Variants in ZSWIM5 observed in about 807,000 individuals in gnomAD.
ZSWIM5 encodes the protein zinc finger SWIM-type containing 5, also known as zinc finger SWIM domain-containing protein 5.
ZSWIM5 carries 55 observed loss-of-function variants against 119.6 expected under a neutral mutation model. That is an observed-to-expected ratio of 0.46 (90% CI 0.37 to 0.58). The LOEUF is 0.58. Ranked by LOEUF, ZSWIM5 falls within the 20% of genes least tolerant of loss-of-function variation. The probability of loss-of-function intolerance (pLI) is 0.00; values close to 1 mark genes in which losing one functional copy is unlikely to be tolerated. For synonymous variants in ZSWIM5, 537 were observed against 606.9 expected (o/e 0.88, Z 1.69); for missense variants, 1,193 against 1,512.8 (o/e 0.79, Z 3.51).
chr1:45,159,516 A>C (rs896563833), intron 1 of ZSWIM5, among the ~76,000 whole-genome samples: 1 of 152,158 alleles, frequency 6.6e-6, no homozygotes, highest in African/African-American at 2.4e-5. Context: ...TGTTAATCAA[A>C]GTTTTTTAGA....
At chr1:45,113,359 C>A (rs1645529273) in intron 1 of ZSWIM5, among the ~76,000 whole-genome samples, 1 of 151,990 alleles carries the variant, frequency 6.6e-6, no homozygotes, top group Admixed American at 6.6e-5. Flanking sequence ...CAAGGAAGAG[C>A]CATTTAAATT....
At chr1:45,034,008 C>G (rs1207398944) in intron 11 of ZSWIM5, among the ~76,000 whole-genome samples, 2 of 152,164 alleles carry the variant, frequency 1.3e-5, no homozygotes, top group African/African-American at 4.8e-5. Context: ...GCGCCCGCCA[C>G]CACGCCCGGC....
chr1:45,071,545 T>C (rs1470110331), intron 2 of ZSWIM5, among the ~76,000 whole-genome samples: 1 of 147,250 alleles, frequency 6.8e-6, no homozygotes, highest in African/African-American at 2.5e-5. Flanking sequence ...AGCCTTAACC[T>C]CCTAAGCTCA....
intron 1 of ZSWIM5, among the ~76,000 whole-genome samples, chr1:45,090,471 T>C (rs1372849446): frequency 1.3e-5 from 2 of 152,022 alleles, no homozygotes; most frequent in Non-Finnish European, 2.9e-5. Context: ...CTAAGAAAGC[T>C]GGGCAACATG....
intron 1 of ZSWIM5, among the ~76,000 whole-genome samples, chr1:45,170,467 C>T (rs963579997): frequency 1.5e-4 from 23 of 151,532 alleles, no homozygotes; most frequent in Non-Finnish European, 2.9e-4. Flanking sequence ...CTCTGTCACC[C>T]CAGGTGGAGT....
intron 1 of ZSWIM5, among the ~76,000 whole-genome samples, chr1:45,156,086 A>G (rs1403424532): frequency 3.3e-5 from 5 of 152,150 alleles, no homozygotes; most frequent in Admixed American, 3.3e-4. Flanking sequence ...AAAAAAAGAA[A>G]ACATGGTATA....
intron 11 of ZSWIM5, among the ~76,000 whole-genome samples, chr1:45,030,802 T>TC (rs1255262094): frequency 6.8e-6 from 1 of 147,222 alleles, no homozygotes. Flanking sequence ...TTCTTTCTTT[T>TC]TTTTTTTTTT....
chr1:45,205,100 C>T (rs1330805363), intron 1 of ZSWIM5, among the ~76,000 whole-genome samples: 1 of 151,724 alleles, frequency 6.6e-6, no homozygotes, highest in Non-Finnish European at 1.5e-5. Context: ...AAGAGAGACC[C>T]CACCCCCACT....
rs1182413072 is a variant in ZSWIM5 at position 45,019,277 on chromosome 1, G to A, written c.2735C>T (p.Thr912Ile). 2 of 1,613,464 alleles carry A rather than the reference G, an allele frequency of 1.2e-6. No individual in the cohort carries two copies. Among genetic ancestry groups the A allele is most frequent in the Admixed American group, 3.3e-5 (2 of 59,998 alleles). Residue 912 changes from threonine (T) to isoleucine (I), a missense_variant, in exon 14 of 14, where the codon ACA becomes ATA. By Grantham distance (89) the Thr-to-Ile change is moderately conservative. Transcript: ENST00000359600. The surrounding 1 kb of genome is among the most constrained non-coding windows in gnomAD (Gnocchi z 5.0). ...ALVSILQSWY[T>I]LFTPTEATSI... ...AGTAGCCTCAGTAGGGGTGAAGAGT[G>A]TGTACCAGCTCTGCAAGATGCTCAC...
chr1:45,189,915 C>T (rs143414817), intron 1 of ZSWIM5, among the ~76,000 whole-genome samples: 58 of 152,304 alleles, frequency 3.8e-4, no homozygotes, highest in Non-Finnish European at 6.6e-4. Flanking sequence ...ATCTAATTTA[C>T]CACTGGGGCA....
intron 1 of ZSWIM5, among the ~76,000 whole-genome samples, chr1:45,114,326 G>A (rs547672599): frequency 6.6e-6 from 1 of 152,244 alleles, no homozygotes; most frequent in Non-Finnish European, 1.5e-5. Flanking sequence ...AAAGAAGCTA[G>A]TATGGTTATA....
chr1:45,065,178 T>G (rs766623066), intron 2 of ZSWIM5, among the ~76,000 whole-genome samples: 1 of 152,206 alleles, frequency 6.6e-6, no homozygotes, highest in Non-Finnish European at 1.5e-5. Flanking sequence ...TCCATAGAGA[T>G]AAAACTGAGA....
At chr1:45,197,343 G>A (rs1646132540) in intron 1 of ZSWIM5, among the ~76,000 whole-genome samples, 1 of 152,038 alleles carries the variant, frequency 6.6e-6, no homozygotes, top group South Asian at 2.1e-4. Flanking sequence ...TCAAACCACT[G>A]ATCTACTTTG....
At chr1:45,075,858 CT>C (rs1428667463) in intron 2 of ZSWIM5, among the ~76,000 whole-genome samples, 1 of 139,764 alleles carries the variant, frequency 7.2e-6, no homozygotes, top group African/African-American at 2.7e-5. Context: ...TTACTTTTAA[CT>C]TTTTGTGTAG....
intron 1 of ZSWIM5, among the ~76,000 whole-genome samples, chr1:45,157,467 G>C (rs1363586591): frequency 6.6e-5 from 10 of 152,142 alleles, no homozygotes. Flanking sequence ...GAGCCACCAT[G>C]CCTGGCCAAC....
At position 45,203,736 on chromosome 1, in the gene ZSWIM5, C is replaced by T. The variant is rs113374744; in HGVS notation, c.595+2020G>A. ...AGTCTCTATTAAAGGTGGTTCATAC[C>T]AAAATACAGAACTCAAAAAGATGCA... On this transcript the variant is annotated intron_variant, in intron 1 of 13. Transcript: ENST00000359600. Among the ~76,000 whole-genome samples the T allele has an allele frequency of 7.4e-3, 1,120 of 151,948 alleles. 13 individuals carry two copies. The highest frequency in any genetic ancestry group is 0.026 in the African/African-American group (1,074 of 41,496).
At chr1:45,171,354 T>G (rs1645944942) in intron 1 of ZSWIM5, among the ~76,000 whole-genome samples, 1 of 152,118 alleles carries the variant, frequency 6.6e-6, no homozygotes, top group Non-Finnish European at 1.5e-5. Context: ...CTCAAAAAAT[T>G]AATTTTATAT....
chr1:45,198,254 G>T (rs964774023), intron 1 of ZSWIM5, among the ~76,000 whole-genome samples: 1 of 152,184 alleles, frequency 6.6e-6, no homozygotes, highest in Non-Finnish European at 1.5e-5. Flanking sequence ...AAACAAGTAG[G>T]ATCAAGATCC....
Position 45,042,524 on chromosome 1 carries a change from T to A in ZSWIM5, c.1609+695A>T, listed in dbSNP as rs565505068. Among the ~76,000 whole-genome samples the A allele has an allele frequency of 2.6e-5, 4 of 152,264 alleles. No homozygotes were observed. The East Asian group carries it at 5.8e-4, about 22-fold the overall frequency. On this transcript the variant is annotated intron_variant, in intron 6 of 13. Transcript: ENST00000359600. ...GGCATATCTAGATTCAGCAAAATCT[T>A]GAGCAAGACAAAGATATGGTGTGAG...
Sources: allele counts gnomAD v4.1 joint callset (sites outside exome capture counted in the v4.1 genomes callset), GRCh38; gene constraint gnomAD v4.1.1; non-coding constraint Gnocchi (gnomAD v3.1); transcripts MANE v1.5; gene names NCBI Gene and HGNC (gene_info 2026-07-23, HGNC 2026-07-21).